TMTC2: variants seen among roughly 807,000 people sequenced by gnomAD.
TMTC2 encodes transmembrane O-mannosyltransferase targeting cadherins 2, also known as protein O-mannosyl-transferase TMTC2.
In TMTC2, 43 loss-of-function variants were observed where a neutral mutation model predicts 82.4. That is an observed-to-expected ratio of 0.52 (90% CI 0.41 to 0.67). The LOEUF (loss-of-function observed/expected upper bound fraction) is 0.67. TMTC2 is among the 30% of genes least tolerant of loss of function. The pLI is 0.00. For missense variants in TMTC2, 919 were observed against 1,012.4 expected (o/e 0.91, Z 1.25); for synonymous variants, 408 against 381.9 (o/e 1.07, Z -0.80).
intron 8 of TMTC2, among the ~76,000 whole-genome samples, chr12:83,016,094 G>A (rs1183250436): frequency 6.6e-6 from 1 of 152,152 alleles, no homozygotes; most frequent in East Asian, 1.9e-4. Flanking sequence ...TAGCCTGGCA[G>A]GAAGTAGAAA....
intron 1 of TMTC2, among the ~76,000 whole-genome samples, chr12:82,831,363 A>T (rs1468710371): frequency 2.0e-5 from 3 of 152,234 alleles, no homozygotes; most frequent in Non-Finnish European, 2.9e-5. Flanking sequence ...TGGGAAGGGG[A>T]AAGAATGAGA....
chr12:82,876,171 G>GGTA, intron 2 of TMTC2, among the ~76,000 whole-genome samples: 1 of 144,880 alleles, frequency 6.9e-6, no homozygotes, highest in Non-Finnish European at 1.5e-5. Context: ...TGGTAGTGTT[G>GGTA]TTGATCGGGT....
intron 9 of TMTC2, among the ~76,000 whole-genome samples, chr12:83,042,236 G>A (rs1881921613): frequency 6.6e-6 from 1 of 152,156 alleles, no homozygotes; most frequent in Non-Finnish European, 1.5e-5. Context: ...TCTCATTACT[G>A]CTCTAACTCA....
At chr12:82,835,411 A>G (rs1869981808) in intron 1 of TMTC2, among the ~76,000 whole-genome samples, 1 of 152,026 alleles carries the variant, frequency 6.6e-6, no homozygotes. Context: ...ATGTCCCAGT[A>G]TTTTTCCATG....
intron 3 of TMTC2, among the ~76,000 whole-genome samples, chr12:82,924,282 G>A (rs1376918913): frequency 6.6e-6 from 1 of 152,208 alleles, no homozygotes; most frequent in East Asian, 1.9e-4. Flanking sequence ...GTCTAAGGAA[G>A]TGAGGGTTTT....
At chr12:82,959,413 A>C (rs1592657670) in intron 4 of TMTC2, among the ~76,000 whole-genome samples, 1 of 152,156 alleles carries the variant, frequency 6.6e-6, no homozygotes, top group African/African-American at 2.4e-5. Flanking sequence ...GCATTATTCA[A>C]CCTGAAACTC....
At chr12:82,996,196 T>C (rs1030627096) in intron 8 of TMTC2, among the ~76,000 whole-genome samples, 21 of 152,108 alleles carry the variant, frequency 1.4e-4, no homozygotes, top group African/African-American at 5.1e-4. Context: ...ATAGTGACAG[T>C]GGAGTTTACA....
chr12:83,072,570 CT>C (rs1458805670), intron 11 of TMTC2, among the ~76,000 whole-genome samples: 1 of 152,104 alleles, frequency 6.6e-6, no homozygotes, highest in East Asian at 1.9e-4. Context: ...GACTTTCTGT[CT>C]TGATGATCTG....
chr12:82,906,534 G>A (rs566374661), intron 3 of TMTC2, among the ~76,000 whole-genome samples: 5 of 151,938 alleles, frequency 3.3e-5, no homozygotes, highest in South Asian at 4.2e-4. Context: ...GTTTGGTGGC[G>A]GGCGCCTCAA....
At chr12:83,003,435 T>A (rs968378183) in intron 8 of TMTC2, among the ~76,000 whole-genome samples, 4 of 152,176 alleles carry the variant, frequency 2.6e-5, no homozygotes, top group African/African-American at 9.6e-5. Context: ...AATATTCATA[T>A]GTGAGATTTT....
intron 11 of TMTC2, 144 bp from the exon 12 acceptor site, chr12:83,132,066 G>C: frequency 1.1e-6 from 1 of 907,486 alleles, no homozygotes; most frequent in Non-Finnish European, 1.6e-6. Flanking sequence ...ATCTTTATCT[G>C]TTTGTATAAA....
intron 1 of TMTC2, among the ~76,000 whole-genome samples, chr12:82,716,001 A>G (rs1873877736): frequency 6.6e-6 from 1 of 152,178 alleles, no homozygotes; most frequent in African/African-American, 2.4e-5. Flanking sequence ...AGTGTATTAG[A>G]TCATCCAATG....
At chr12:82,836,127 G>C (rs747764319) in intron 1 of TMTC2, among the ~76,000 whole-genome samples, 20 of 145,706 alleles carry the variant, frequency 1.4e-4, no homozygotes, top group Non-Finnish European at 2.4e-4. Context: ...ACTTCGTAAT[G>C]CCTCTGGAGA....
At chr12:83,072,831 T>C (rs1883163324) in intron 11 of TMTC2, among the ~76,000 whole-genome samples, 1 of 152,174 alleles carries the variant, frequency 6.6e-6, no homozygotes, top group Admixed American at 6.5e-5. Context: ...CTGCTCATTT[T>C]TTGTTGCCCA....
chr12:83,032,825 T>C (rs1343254689), intron 9 of TMTC2, among the ~76,000 whole-genome samples: 1 of 152,186 alleles, frequency 6.6e-6, no homozygotes, highest in Non-Finnish European at 1.5e-5. Context: ...CCTCCCAAAT[T>C]GCTGGGGTTA....
At chr12:82,886,478 G>A (rs1873104823) in intron 2 of TMTC2, among the ~76,000 whole-genome samples, 2 of 152,160 alleles carry the variant, frequency 1.3e-5, no homozygotes, top group African/African-American at 2.4e-5. Flanking sequence ...AACTCAGTGG[G>A]AAACATGATG....
At chr12:82,995,452 C>A (rs975204132) in intron 8 of TMTC2, among the ~76,000 whole-genome samples, 4 of 152,100 alleles carry the variant, frequency 2.6e-5, no homozygotes, top group Non-Finnish European at 5.9e-5. Context: ...AACATGTTCA[C>A]AAGTTCATAA....
At chr12:82,974,633 A>C (rs972597205) in intron 7 of TMTC2, among the ~76,000 whole-genome samples, 10 of 152,206 alleles carry the variant, frequency 6.6e-5, no homozygotes, top group African/African-American at 2.4e-4. Flanking sequence ...ATAACAAGAC[A>C]GGTTAACTTG....
At chr12:83,051,687 T>A (rs1401056415) in intron 10 of TMTC2, among the ~76,000 whole-genome samples, 2 of 152,136 alleles carry the variant, frequency 1.3e-5, no homozygotes, top group Non-Finnish European at 2.9e-5. Flanking sequence ...CAAATACAAG[T>A]ATACTTAAGG....
Sources: gnomAD v4.1 joint callset for allele counts (sites outside exome capture counted in the v4.1 genomes callset) on GRCh38, gnomAD v4.1.1 for gene constraint, MANE v1.5 for transcripts, NCBI Gene and HGNC (gene_info 2026-07-23, HGNC 2026-07-21) for gene names.